KDM5D: variants seen among roughly 807,000 people sequenced by gnomAD.
KDM5D encodes the protein lysine-specific demethylase 5D.
A neutral mutation model predicts 31.9 loss-of-function variants in KDM5D; 25 were observed. That is an observed-to-expected ratio of 0.78 (90% CI 0.57 to 1.09). The LOEUF (loss-of-function observed/expected upper bound fraction) is 1.09. Among genes scored for constraint, KDM5D ranks in the 50% least tolerant of loss-of-function variants. The probability of loss-of-function intolerance (pLI) is 0.00; values close to 1 mark genes in which losing one functional copy is unlikely to be tolerated. For missense variants in KDM5D, 366 were observed against 341.6 expected, an observed-to-expected ratio of 1.07 and a Z score of -0.56; for synonymous variants, 146 against 122.3, an observed-to-expected ratio of 1.19 and a Z score of -1.28.
chrY:19,724,475 T>C, intron 11 of KDM5D, among the ~76,000 whole-genome samples: 1 of 33,558 alleles, frequency 3.0e-5, no homozygotes, highest in African/African-American at 1.2e-4. Context: ...CACATGATTA[T>C]CTCAATAGAT....
intron 13 of KDM5D, 131 bp downstream of exon 13, chrY:19,720,741 G>T (rs2045385299): frequency 1.1e-5 from 2 of 185,980 alleles, no homozygotes; most frequent in African/African-American, 1.7e-4. Context: ...GGAAGGCAAA[G>T]AGGTGTGATG....
chrY:19,706,054 C>T lies in KDM5D; in HGVS notation c.4561G>A (p.Ala1521Thr). 2.5e-6 allele frequency: 1 copy of T among 397,825 alleles called. No individual in the cohort carries two copies. The highest frequency in any genetic ancestry group is 3.5e-6 in the Non-Finnish European group (1 of 282,903). Residue 1521 changes from alanine to threonine, a missense_variant, in exon 27 of 27, where the codon GCT (alanine) becomes ACT (threonine). Transcript: ENST00000317961. ...AGCAAAGGCATTAAAGAAGGACAAG[C>T]AGCTGAAGAGCCTGAATCCTTGTGT... ...LQHKDSGSSAACPSLMPLLQL... is the reference protein window; with the variant it reads ...LQHKDSGSSATCPSLMPLLQL...
chrY:19,726,849 A>C, intron 11 of KDM5D, among the ~76,000 whole-genome samples: 2 of 33,242 alleles, frequency 6.0e-5, no homozygotes, highest in Non-Finnish European at 1.5e-4. Flanking sequence ...AATATATTTG[A>C]AAAAAATTCC....
Position 19,741,843 on chromosome Y carries a change from C to A in KDM5D, c.243G>T (p.Val81=). 1 of 392,949 alleles carries A rather than the reference C, an allele frequency of 2.5e-6. No individual in the cohort carries two copies. The highest frequency in any genetic ancestry group is 3.6e-6 in the Non-Finnish European group (1 of 279,773). ...CAATCTGATCCAAATAGTTCAATTT[C>A]ACTCTAGTTTGGGCCTGGGAAAGAG... The part of the protein sequence containing the change: ...RLNELEAQTR[V]KLNYLDQIAK... The change falls in exon 4 of 27, where the codon GTG becomes GTT. Residue 81 remains valine, a synonymous_variant. Coordinates refer to ENST00000317961, the MANE Select transcript of KDM5D (RefSeq NM_004653.5).
At chrY:19,711,895 T>G in intron 18 of KDM5D, among the ~76,000 whole-genome samples, 2 of 33,255 alleles carry the variant, frequency 6.0e-5, no homozygotes, top group Non-Finnish European at 1.5e-4. Context: ...TCAGTTTATT[T>G]AATTTAAATC....
At chrY:19,713,168 G>C in intron 18 of KDM5D, among the ~76,000 whole-genome samples, 2 of 33,744 alleles carry the variant, frequency 5.9e-5, no homozygotes, top group Non-Finnish European at 1.5e-4. Flanking sequence ...ACAAACATCA[G>C]TTCAAGATGG....
Position 19,731,781 on chromosome Y carries a change from A to G in KDM5D, c.1362T>C (p.Pro454=). 1 of 395,549 alleles carries G rather than the reference A, an allele frequency of 2.5e-6. No individual in the cohort carries two copies. The highest frequency in any genetic ancestry group is 3.6e-6 in the Non-Finnish European group (1 of 280,608). ...CTACCAACCGTATTACCTTCTCCTC[A>G]GGAGATAAGTTTTGTTTGCTATTGC... The part of the protein sequence containing the change: ...PVSNSKQNLS[P]EEKEYATSGW... Residue 454 remains proline, a synonymous_variant, in exon 11 of 27, where the codon CCT becomes CCC. Transcript: ENST00000317961.
chrY:19,719,244 T>A, intron 13 of KDM5D, among the ~76,000 whole-genome samples: 1 of 33,489 alleles, frequency 3.0e-5, no homozygotes, highest in African/African-American at 1.2e-4. Flanking sequence ...GCTTACTTAC[T>A]TACTAAAGTC....
chrY:19,726,979 A>C (rs796993763), intron 11 of KDM5D, among the ~76,000 whole-genome samples: 1 of 33,769 alleles, frequency 3.0e-5, no homozygotes, highest in Non-Finnish European at 7.3e-5. Flanking sequence ...TTCAATTTTC[A>C]ACTACATTGT....
Position 19,708,419 on chromosome Y carries a change from C to T in KDM5D, c.3086G>A (p.Gly1029Asp). Residue 1029 changes from glycine to aspartate, a missense_variant, in exon 22 of 27, where the codon GGT (glycine) becomes GAT (aspartate). Gly to Asp is a moderately conservative substitution (Grantham distance 94). Coordinates refer to ENST00000317961, the MANE Select transcript of KDM5D (RefSeq NM_004653.5). Reference protein sequence around the residue: ...WIADVDEIQNGDHYPCLDDLE... With the variant: ...WIADVDEIQNDDHYPCLDDLE... ...GTCATCTAGACAGGGGTAGTGGTCACCATTCTGGAATAGGGGAAAGAAACT... is the reference window on the plus strand; with the variant it reads ...GTCATCTAGACAGGGGTAGTGGTCATCATTCTGGAATAGGGGAAAGAAACT... The T allele has an allele frequency of 2.7e-6, 1 of 375,887 alleles. No individual in the cohort carries two copies. Among genetic ancestry groups the T allele is most frequent in the African/African-American group, 6.6e-5 (1 of 15,253 alleles). 93.8% of individuals were successfully genotyped at this position (375,887 alleles called of 400,897 possible). A position where few individuals can be genotyped will look rare whatever the true frequency, so the allele number is the denominator to read the frequency against.
chrY:19,723,654 G>A (rs2045410877), intron 11 of KDM5D, among the ~76,000 whole-genome samples: 1 of 33,101 alleles, frequency 3.0e-5, no homozygotes. Flanking sequence ...CAGAGAAATC[G>A]TGTCTCAAAA....
At position 19,708,905 on chromosome Y, in the gene KDM5D, T is replaced by C; in HGVS notation, c.3051A>G (p.Gln1017=). ...QALKEALTKA[Q]AWIADVDEIQ... Reference sequence around the variant, plus strand: ...TCTCATCCACATCAGCAATCCAAGCTTGTGCCTTAGTCAGAGCTTCTTTGA... The same window carrying C: ...TCTCATCCACATCAGCAATCCAAGCCTGTGCCTTAGTCAGAGCTTCTTTGA... The change falls in exon 21 of 27, where the codon CAA becomes CAG. Residue 1017 remains glutamine (Q), a synonymous_variant. Transcript: ENST00000317961. 2.5e-6 allele frequency: 1 copy of C among 398,176 alleles called. No homozygotes were observed. Among genetic ancestry groups the C allele is most frequent in the Non-Finnish European group, 3.5e-6 (1 of 282,778 alleles).
At chrY:19,712,354 A>G in intron 18 of KDM5D, among the ~76,000 whole-genome samples, 1 of 33,546 alleles carries the variant, frequency 3.0e-5, no homozygotes, top group African/African-American at 1.2e-4. Flanking sequence ...AAACATTCCT[A>G]TCACCTGCTG....
chrY:19,730,280 C>T (rs2045463485), intron 11 of KDM5D, among the ~76,000 whole-genome samples: 1 of 32,640 alleles, frequency 3.1e-5, no homozygotes, highest in Non-Finnish European at 7.5e-5. Context: ...AAACCCATGA[C>T]GGTGGAACAT....
In KDM5D at chrY:19,735,640, A is replaced by C. The variant is rs973739517; in HGVS notation, c.768T>G (p.Asp256Glu). Residue 256 changes from aspartate to glutamate, a missense_variant, in exon 7 of 27, where the codon GAT becomes GAG. Transcript: ENST00000317961. ...MGLGLMAKDK[D>E]KTVHKKVTCP... Reference sequence around the variant, plus strand: ...CCTCACCTTTCTTATGCACAGTCTTATCCTTATCCTTAGCCATAAGGCCCA... The same window carrying C: ...CCTCACCTTTCTTATGCACAGTCTTCTCCTTATCCTTAGCCATAAGGCCCA... 4 of 396,886 alleles carry C rather than the reference A, an allele frequency of 1.0e-5. No homozygotes were observed. The highest frequency in any genetic ancestry group is 1.8e-4 in the East Asian group (2 of 10,849).
intron 13 of KDM5D, among the ~76,000 whole-genome samples, chrY:19,718,899 G>A (rs2045368349): frequency 3.0e-5 from 1 of 33,865 alleles, no homozygotes; most frequent in African/African-American, 1.2e-4. Flanking sequence ...GGCCGGGCGC[G>A]GTGGCTCACG....
Position 19,707,434 on chromosome Y carries a change from G to A in KDM5D, c.3712C>T (p.Arg1238Ter). ...AGGATTGTCTCTAGGCGTGGCCGTC[G>A]TGAGCGCATACACAGTGGACACAGG... ...KFLCPLCMRS[R>*]RPRLETILAL... The change falls in exon 24 of 27, where the codon CGA (arginine) becomes TGA (stop). Residue 1238 changes from arginine to a stop codon, truncating the protein, a stop_gained. Transcript: ENST00000317961. LOFTEE classifies it high-confidence loss of function. 2 of 395,117 alleles carry A rather than the reference G, an allele frequency of 5.1e-6. No homozygotes were observed. Among genetic ancestry groups the A allele is most frequent in the Non-Finnish European group, 7.1e-6 (2 of 281,460 alleles).
chrY:19,740,893 A>G, intron 5 of KDM5D, among the ~76,000 whole-genome samples: 1 of 33,440 alleles, frequency 3.0e-5, no homozygotes, highest in African/African-American at 1.2e-4. Context: ...CTGAAGCAGA[A>G]GAATGGCGTG....
At position 19,710,397 on chromosome Y, in the gene KDM5D, C is replaced by A. The variant is rs1603545733; in HGVS notation, c.2562G>T (p.Met854Ile). Reference sequence around the variant, plus strand: ...TTACCTTGACATCCCCAATCTGATGCATGGCACAGGGCAGGCTGCCCATCT... The same window carrying A: ...TTACCTTGACATCCCCAATCTGATGAATGGCACAGGGCAGGCTGCCCATCT... ...LEQMGSLPCA[M>I]HQIGDVKDVL... The change falls in exon 19 of 27, where the codon ATG (methionine) becomes ATT (isoleucine). Residue 854 changes from methionine (M) to isoleucine (I), a missense_variant. Transcript: ENST00000317961. 7.7e-6 allele frequency: 3 copies of A among 387,234 alleles called. No individual in the cohort carries two copies. The South Asian group carries it at 9.4e-5, about 12-fold the overall frequency.
Sources: allele counts gnomAD v4.1 joint callset (sites outside exome capture counted in the v4.1 genomes callset), GRCh38; gene constraint gnomAD v4.1.1; transcripts MANE v1.5; gene names NCBI Gene and HGNC (gene_info 2026-07-23, HGNC 2026-07-21).